CSMD2: variants seen among roughly 807,000 people sequenced by gnomAD.
CSMD2 encodes CUB and sushi domain-containing protein 2.
Under a neutral mutation model 398.5 loss-of-function variants are expected in CSMD2, and 130 were observed. The observed-to-expected ratio is 0.33, with a 90% CI of 0.28 to 0.38. The LOEUF (loss-of-function observed/expected upper bound fraction) is 0.38. CSMD2 is among the 10% of genes least tolerant of loss of function. The probability of loss-of-function intolerance (pLI) is 1.00; values close to 1 mark genes in which losing one functional copy is unlikely to be tolerated. For missense variants in CSMD2, 3,829 were observed against 4,764.9 expected, an observed-to-expected ratio of 0.80 and a Z score of 5.78; for synonymous variants, 1,828 against 1,908.5, an observed-to-expected ratio of 0.96 and a Z score of 1.10.
intron 3 of CSMD2, 131 bp from the exon 4 acceptor site, chr1:33,936,085 A>G: frequency 1.4e-6 from 1 of 689,986 alleles, no homozygotes; most frequent in Non-Finnish European, 2.4e-6. Context: ...TGTGAACAGC[A>G]TTGCCCACTG....
chr1:33,583,880 T>C, intron 46 of CSMD2, 50 bp from the exon 47 acceptor site: 1 of 1,499,810 alleles, frequency 6.7e-7, no homozygotes. Flanking sequence ...GAGATGGAAC[T>C]ACGGCCAATA....
At chr1:33,915,530 C>T (rs962653179) in intron 5 of CSMD2, among the ~76,000 whole-genome samples, 1 of 152,192 alleles carries the variant, frequency 6.6e-6, no homozygotes, top group Non-Finnish European at 1.5e-5. Context: ...TTAATTCCTT[C>T]CCCACTGAGT....
intron 1 of CSMD2, among the ~76,000 whole-genome samples, chr1:34,158,056 G>A (rs1640963998): frequency 6.6e-6 from 1 of 152,178 alleles, no homozygotes; most frequent in South Asian, 2.1e-4. Context: ...AGAGGAGTAT[G>A]AAAAGACAGT....
At chr1:33,606,826 C>T (rs1640646260) in intron 41 of CSMD2, among the ~76,000 whole-genome samples, 1 of 152,188 alleles carries the variant, frequency 6.6e-6, no homozygotes, top group South Asian at 2.1e-4. Flanking sequence ...TTCAAAAAGA[C>T]AGAAACTTCA....
chr1:33,675,952 C>T (rs1044852681), intron 25 of CSMD2, among the ~76,000 whole-genome samples: 64 of 152,248 alleles, frequency 4.2e-4, no homozygotes, highest in Middle Eastern at 3.4e-3. Flanking sequence ...ATTGATGGGA[C>T]GTATCTCAAA....
intron 13 of CSMD2, among the ~76,000 whole-genome samples, chr1:33,757,372 T>C (rs1649186432): frequency 6.6e-6 from 1 of 152,162 alleles, no homozygotes; most frequent in Non-Finnish European, 1.5e-5. Flanking sequence ...TGTCCACAAT[T>C]GAACTTTTTG....
At chr1:33,962,282 G>C (rs1259239958) in intron 3 of CSMD2, among the ~76,000 whole-genome samples, 1 of 152,102 alleles carries the variant, frequency 6.6e-6, no homozygotes, top group African/African-American at 2.4e-5. Context: ...CCCTGGGGAG[G>C]GGGAGCGAGT....
At chr1:33,850,616 CA>C (rs1638637070) in intron 5 of CSMD2, among the ~76,000 whole-genome samples, 1 of 152,152 alleles carries the variant, frequency 6.6e-6, no homozygotes, top group African/African-American at 2.4e-5. Context: ...AGGAGAGAAA[CA>C]CAAAGAGAGA....
At chr1:34,151,771 T>C (rs2148556716) in intron 1 of CSMD2, among the ~76,000 whole-genome samples, 1 of 152,120 alleles carries the variant, frequency 6.6e-6, no homozygotes, top group African/African-American at 2.4e-5. Context: ...TTTTATTTCT[T>C]CTTTCCTCCC....
intron 4 of CSMD2, among the ~76,000 whole-genome samples, chr1:33,930,835 T>A (rs564840859): frequency 2.6e-5 from 4 of 152,236 alleles, no homozygotes; most frequent in Admixed American, 2.6e-4. Context: ...CCTTGATGGG[T>A]CAGGATCTTT....
At chr1:34,140,954 G>A (rs1431473043) in intron 1 of CSMD2, among the ~76,000 whole-genome samples, 1 of 151,830 alleles carries the variant, frequency 6.6e-6, no homozygotes, top group Non-Finnish European at 1.5e-5. Flanking sequence ...CTCACTTCCT[G>A]CAGCCCCAGC....
intron 1 of CSMD2, among the ~76,000 whole-genome samples, chr1:34,117,552 C>T (rs1571174760): frequency 6.6e-6 from 1 of 151,970 alleles, no homozygotes. Context: ...AACATCAATG[C>T]TTTTTAAACT....
At chr1:34,052,589 C>T (rs990139491) in intron 2 of CSMD2, among the ~76,000 whole-genome samples, 1 of 150,828 alleles carries the variant, frequency 6.6e-6, no homozygotes, top group Non-Finnish European at 1.5e-5. Context: ...CCTATAGGTT[C>T]TATTTCTCTG....
At chr1:34,024,948 A>G (rs1466108502) in intron 3 of CSMD2, among the ~76,000 whole-genome samples, 2 of 152,208 alleles carry the variant, frequency 1.3e-5, no homozygotes, top group Non-Finnish European at 2.9e-5. Context: ...ATTACAGGAA[A>G]AAACAAAACC....
At chr1:33,709,618 G>A (rs1340554263) in intron 21 of CSMD2, 1 of 354,534 alleles carries the variant, frequency 2.8e-6, no homozygotes, top group African/African-American at 2.1e-5. Context: ...AATGACCGAG[G>A]AGGAGGTCAG....
intron 3 of CSMD2, among the ~76,000 whole-genome samples, chr1:33,962,144 T>C (rs993314018): frequency 6.6e-5 from 10 of 152,146 alleles, no homozygotes. Context: ...TCAGGCTCCT[T>C]TGCCCAGGAC....
chr1:33,690,212 G>T (rs1306674902), intron 25 of CSMD2, among the ~76,000 whole-genome samples: 1 of 152,060 alleles, frequency 6.6e-6, no homozygotes, highest in East Asian at 1.9e-4. Flanking sequence ...CCACCAAATC[G>T]CAGGTGATCA....
chr1:33,677,578 T>G (rs560052268), intron 25 of CSMD2, among the ~76,000 whole-genome samples: 1 of 152,246 alleles, frequency 6.6e-6, no homozygotes, highest in South Asian at 2.1e-4. Context: ...GAACTAGAAA[T>G]ACCATTTGAT....
chr1:33,543,799 G>A lies in CSMD2; in HGVS notation c.9101-903C>T, dbSNP rs140852399. Reference sequence around the variant, plus strand: ...CCTGAAATACTGTTCATATAGGAACGCCAGATAATGCTTGATTTTTTGTGT... The same window carrying A: ...CCTGAAATACTGTTCATATAGGAACACCAGATAATGCTTGATTTTTTGTGT... On this transcript the variant is annotated intron_variant, in intron 57 of 70. Coordinates refer to ENST00000373381, the MANE Select transcript of CSMD2 (RefSeq NM_001281956.2). 1.7e-3 allele frequency among the ~76,000 whole-genome samples: 262 copies of A among 152,276 alleles called. 1 individual carries two copies. Among genetic ancestry groups the A allele is most frequent in the African/African-American group, 6.0e-3 (248 of 41,552 alleles).
Sources: gnomAD v4.1 joint callset for allele counts (sites outside exome capture counted in the v4.1 genomes callset) on GRCh38, gnomAD v4.1.1 for gene constraint, MANE v1.5 for transcripts, NCBI Gene and HGNC (gene_info 2026-07-23, HGNC 2026-07-21) for gene names.